The following NALF1 variants were observed in gnomAD, a reference collection of about 807,000 sequenced individuals.
NALF1 encodes the protein family with sequence similarity 155 member A.
A neutral mutation model predicts 48.4 loss-of-function variants in NALF1; 3 were observed. That is an observed-to-expected ratio of 0.06 (90% CI 0.03 to 0.16). The LOEUF (loss-of-function observed/expected upper bound fraction) is 0.16. Ranked by LOEUF, NALF1 falls within the 10% of genes least tolerant of loss-of-function variation. The pLI, the probability that NALF1 is intolerant of heterozygous loss-of-function variation, is 1.00. For missense variants in NALF1, 526 were observed against 571.5 expected (o/e 0.92, Z 0.81); for synonymous variants, 262 against 245.7 (o/e 1.07, Z -0.62).
chr13:107,412,538 A>G (rs1884010331), intron 1 of NALF1, among the ~76,000 whole-genome samples: 1 of 152,120 alleles, frequency 6.6e-6, no homozygotes, highest in Non-Finnish European at 1.5e-5. Flanking sequence ...CTTCACCAGT[A>G]CCACATGTTT....
intron 1 of NALF1, among the ~76,000 whole-genome samples, chr13:107,858,883 C>T (rs1242109257): frequency 6.6e-6 from 1 of 152,060 alleles, no homozygotes; most frequent in East Asian, 1.9e-4. Context: ...TGCTCTAGGG[C>T]TTAAATTTCT....
rs143713557 is a variant in NALF1, at chr13:107,328,764, A to C, written c.916-118009T>G. Among the ~76,000 whole-genome samples, 29 of 152,354 alleles carry C rather than the reference A, an allele frequency of 1.9e-4. No individual in the cohort carries two copies. The East Asian group carries it at 5.6e-3, about 29-fold the overall frequency. ...TATGCTAAGCCTCTAGGTTCACAGCAGGAAATCAGGGTGACAGCACTTAGG... is the reference window on the plus strand; with the variant it reads ...TATGCTAAGCCTCTAGGTTCACAGCCGGAAATCAGGGTGACAGCACTTAGG... On this transcript the variant is annotated intron_variant, in intron 1 of 2. Coordinates refer to ENST00000375915, the MANE Select transcript of NALF1 (RefSeq NM_001080396.3).
intron 1 of NALF1, among the ~76,000 whole-genome samples, chr13:107,448,967 G>T (rs1884696983): frequency 1.3e-5 from 2 of 152,170 alleles, no homozygotes; most frequent in Admixed American, 1.3e-4. Context: ...ACGACTGCCA[G>T]GTGCAGTGGC....
At chr13:107,466,891 G>A (rs1343998763) in intron 1 of NALF1, among the ~76,000 whole-genome samples, 1 of 151,968 alleles carries the variant, frequency 6.6e-6, no homozygotes. Context: ...ATTTTGGAGT[G>A]TGTGGTCAAT....
chr13:107,601,153 G>A (rs200296937), intron 1 of NALF1, among the ~76,000 whole-genome samples: 1 of 152,086 alleles, frequency 6.6e-6, no homozygotes, highest in Non-Finnish European at 1.5e-5. Context: ...ATTAGGCAGT[G>A]GGCCAGATTG....
At chr13:107,618,108 TA>T (rs1306604354) in intron 1 of NALF1, among the ~76,000 whole-genome samples, 9 of 151,834 alleles carry the variant, frequency 5.9e-5, no homozygotes, top group Non-Finnish European at 5.9e-5. Context: ...GTGGAGCATA[TA>T]AACAGGGCAC....
chr13:107,769,916 T>C (rs1877530180), intron 1 of NALF1, among the ~76,000 whole-genome samples: 1 of 152,088 alleles, frequency 6.6e-6, no homozygotes, highest in African/African-American at 2.4e-5. Flanking sequence ...TTGTTTTGTT[T>C]TGTTTTGTTT....
chr13:107,658,887 T>C (rs1365403185), intron 1 of NALF1, among the ~76,000 whole-genome samples: 2 of 152,056 alleles, frequency 1.3e-5, no homozygotes, highest in Admixed American at 1.3e-4. Flanking sequence ...CCTACTCAGA[T>C]TGTTTGTTCA....
At chr13:107,308,247 G>A (rs903818081) in intron 1 of NALF1, among the ~76,000 whole-genome samples, 12 of 138,942 alleles carry the variant, frequency 8.6e-5, no homozygotes, top group African/African-American at 3.1e-4. Flanking sequence ...TGTCGCCCAG[G>A]CTGGAGTCCA....
intron 2 of NALF1, among the ~76,000 whole-genome samples, chr13:107,190,414 T>C (rs1043836623): frequency 3.3e-5 from 5 of 152,224 alleles, no homozygotes; most frequent in African/African-American, 4.8e-5. Context: ...CTTCAAGGCA[T>C]GTAAACACCT....
At chr13:107,317,109 T>A (rs1329812627) in intron 1 of NALF1, among the ~76,000 whole-genome samples, 2 of 152,168 alleles carry the variant, frequency 1.3e-5, no homozygotes, top group African/African-American at 2.4e-5. Flanking sequence ...ACTATAATTC[T>A]GATTTTGCAA....
intron 1 of NALF1, among the ~76,000 whole-genome samples, chr13:107,528,947 G>A (rs189755571): frequency 6.6e-6 from 1 of 152,088 alleles, no homozygotes; most frequent in African/African-American, 2.4e-5. Flanking sequence ...TGAACTGTTA[G>A]GTACATGGCC....
chr13:107,703,257 CTATT>C (rs558881187), intron 1 of NALF1, among the ~76,000 whole-genome samples: 104 of 152,188 alleles, frequency 6.8e-4, no homozygotes, highest in African/African-American at 2.2e-3. Flanking sequence ...CATTTTCTAA[CTATT>C]TAAATACTTT....
At chr13:107,801,205 G>A (rs1458170638) in intron 1 of NALF1, among the ~76,000 whole-genome samples, 1 of 152,120 alleles carries the variant, frequency 6.6e-6, no homozygotes, top group Non-Finnish European at 1.5e-5. Flanking sequence ...GCCATTTGCT[G>A]TCACAGAATT....
intron 1 of NALF1, among the ~76,000 whole-genome samples, chr13:107,464,021 T>C (rs1009928610): frequency 9.2e-5 from 14 of 152,112 alleles, no homozygotes; most frequent in African/African-American, 2.9e-4. Flanking sequence ...AACCTACTAG[T>C]TAGGTGTAGA....
At chr13:107,441,739 T>G (rs1884563379) in intron 1 of NALF1, among the ~76,000 whole-genome samples, 1 of 152,184 alleles carries the variant, frequency 6.6e-6, no homozygotes, top group Non-Finnish European at 1.5e-5. Context: ...TGATTTCAGC[T>G]GGCACCCTTG....
intron 1 of NALF1, among the ~76,000 whole-genome samples, chr13:107,784,651 C>T (rs748662838): frequency 1.3e-5 from 2 of 152,008 alleles, no homozygotes; most frequent in African/African-American, 4.8e-5. Context: ...TGAAAAAATG[C>T]TCAACATCAT....
chr13:107,665,627 ATGT>A (rs1880838166), intron 1 of NALF1, among the ~76,000 whole-genome samples: 1 of 152,104 alleles, frequency 6.6e-6, no homozygotes, highest in Non-Finnish European at 1.5e-5. Context: ...ACTATGAAAT[ATGT>A]TGTTCTTTTA....
At chr13:107,200,415 G>A (rs1443078761) in intron 2 of NALF1, among the ~76,000 whole-genome samples, 2 of 152,192 alleles carry the variant, frequency 1.3e-5, no homozygotes, top group Non-Finnish European at 2.9e-5. Context: ...TAAGGAGCTT[G>A]CAGACTCTCC....
Sources: gnomAD v4.1 joint callset for allele counts (sites outside exome capture counted in the v4.1 genomes callset) on GRCh38, gnomAD v4.1.1 for gene constraint, MANE v1.5 for transcripts, NCBI Gene and HGNC (gene_info 2026-07-23, HGNC 2026-07-21) for gene names.